Variants in NAALADL2 observed in about 807,000 individuals in gnomAD.
NAALADL2 encodes the protein N-acetylated alpha-linked acidic dipeptidase like 2.
A neutral mutation model predicts 87.2 loss-of-function variants in NAALADL2; 76 were observed. The observed-to-expected ratio is 0.87, with a 90% CI of 0.72 to 1.05. The LOEUF (loss-of-function observed/expected upper bound fraction) is 1.05, where lower values mean the gene tolerates loss of function less well. Among genes scored for constraint, NAALADL2 ranks in the 50% least tolerant of loss-of-function variants. NAALADL2 has a pLI of 0.00. For missense variants in NAALADL2, 1,089 were observed against 945.8 expected, an observed-to-expected ratio of 1.15 and a Z score of -1.99; for synonymous variants, 354 against 331.0, an observed-to-expected ratio of 1.07 and a Z score of -0.75.
At chr3:175,269,297 A>T (rs150147018) in intron 4 of NAALADL2, among the ~76,000 whole-genome samples, 55 of 152,316 alleles carry the variant, frequency 3.6e-4, no homozygotes, top group African/African-American at 1.3e-3. Context: ...AAATATACAT[A>T]GTATAGTAAA....
chr3:175,322,507 G>A (rs2110411911), intron 4 of NAALADL2, among the ~76,000 whole-genome samples: 6 of 93,166 alleles, frequency 6.4e-5, no homozygotes, highest in Middle Eastern at 4.4e-3. Context: ...TTAAACTAAA[G>A]AGCTTCTGCA....
At position 175,466,980 on chromosome 3, in the gene NAALADL2, C is replaced by A; in HGVS notation, c.1329C>A (p.Asp443Glu). 1 of 1,609,396 alleles carries A rather than the reference C, an allele frequency of 6.2e-7. No homozygotes were observed. The highest frequency in any genetic ancestry group is 8.5e-7 in the Non-Finnish European group (1 of 1,176,112). ...GCTCTTGTCCCTTTCTATTTTCAGA[C>A]CGGTATATCATAGTTGGCAGCCATC... The part of the protein sequence containing the change: ...VGFVMGLTSP[D>E]RYIIVGSHHH... Residue 443 changes from aspartate to glutamate, a missense_variant and splice_region_variant, in exon 8 of 14, where the codon GAC (aspartate) becomes GAA (glutamate). Physicochemically the swap from Asp to Glu is conservative, Grantham distance 45 (BLOSUM62 2). Coordinates refer to ENST00000454872, the MANE Select transcript of NAALADL2 (RefSeq NM_207015.3).
intron 2 of NAALADL2, among the ~76,000 whole-genome samples, chr3:174,637,814 G>A (rs1324271134): frequency 6.6e-6 from 1 of 151,724 alleles, no homozygotes; most frequent in African/African-American, 2.4e-5. Flanking sequence ...CATATTTGGG[G>A]ATTTTATAAA....
chr3:174,473,285 A>G (rs1717016201), intron 1 of NAALADL2, among the ~76,000 whole-genome samples: 1 of 152,158 alleles, frequency 6.6e-6, no homozygotes, highest in African/African-American at 2.4e-5. Flanking sequence ...AACCTCTGTG[A>G]CAATCATAGA....
At chr3:174,538,847 T>C (rs1423900732) in intron 1 of NAALADL2, among the ~76,000 whole-genome samples, 3 of 152,170 alleles carry the variant, frequency 2.0e-5, no homozygotes, top group Admixed American at 6.5e-5. Context: ...TTTTGAGTTG[T>C]CCTGCCTTTA....
At chr3:175,305,509 T>C (rs2110257395) in intron 4 of NAALADL2, among the ~76,000 whole-genome samples, 1 of 152,190 alleles carries the variant, frequency 6.6e-6, no homozygotes, top group South Asian at 2.1e-4. Flanking sequence ...GGCACATTCT[T>C]TATCTTTTTC....
intron 3 of NAALADL2, among the ~76,000 whole-genome samples, chr3:174,792,081 C>T (rs1717527892): frequency 6.6e-6 from 1 of 152,064 alleles, no homozygotes; most frequent in African/African-American, 2.4e-5. Context: ...AAAAAACAGG[C>T]ATGGTGGCAC....
intron 10 of NAALADL2, among the ~76,000 whole-genome samples, chr3:175,589,560 A>G (rs551573069): frequency 1.6e-3 from 241 of 152,152 alleles, no homozygotes; most frequent in Non-Finnish European, 1.5e-3. Context: ...AAATTAATAT[A>G]GCTTTTCATG....
chr3:175,000,346 T>C (rs1298462391), intron 1 of NAALADL2, among the ~76,000 whole-genome samples: 1 of 152,180 alleles, frequency 6.6e-6, no homozygotes, highest in Non-Finnish European at 1.5e-5. Context: ...TTTGCTAATA[T>C]TCTATAGAGC....
At chr3:175,468,242 A>G (rs992406755) in intron 8 of NAALADL2, among the ~76,000 whole-genome samples, 1 of 152,148 alleles carries the variant, frequency 6.6e-6, no homozygotes, top group Non-Finnish European at 1.5e-5. Flanking sequence ...CAAGATTCAC[A>G]CACTGCAAAT....
At position 175,415,534 on chromosome 3, in the gene NAALADL2, C is replaced by T. The variant is rs138437270; in HGVS notation, c.1091-31695C>T. 3.3e-3 allele frequency among the ~76,000 whole-genome samples: 501 copies of T among 151,964 alleles called. 2 individuals carry two copies. Among genetic ancestry groups the T allele is most frequent in the African/African-American group, 0.011 (451 of 41,440 alleles). ...ATATAGAATGTGAGAAAATAAATAACGCAATGAGAAATACAAAGACTAAAC... is the reference window on the plus strand; with the variant it reads ...ATATAGAATGTGAGAAAATAAATAATGCAATGAGAAATACAAAGACTAAAC... On this transcript the variant is annotated intron_variant, in intron 5 of 13. Transcript: ENST00000454872.
Position 175,673,843 on chromosome 3 carries a change from A to G in NAALADL2, c.1896+46457A>G, listed in dbSNP as rs181395738. Among the ~76,000 whole-genome samples, 190 of 152,236 alleles carry G rather than the reference A, an allele frequency of 1.2e-3. 2 individuals carry two copies. Among genetic ancestry groups the G allele is most frequent in the African/African-American group, 4.3e-3 (179 of 41,570 alleles). ...CCAACTATTATTAATATTTGTGAAT[A>G]AGATTTTAATAATCTCTCCATGCAT... On this transcript the variant is annotated intron_variant, in intron 11 of 13. Coordinates refer to ENST00000454872, the MANE Select transcript of NAALADL2 (RefSeq NM_207015.3).
intron 1 of NAALADL2, among the ~76,000 whole-genome samples, chr3:175,071,843 T>C (rs1485304710): frequency 6.6e-6 from 1 of 151,968 alleles, no homozygotes; most frequent in Non-Finnish European, 1.5e-5. Context: ...AAATAACTAG[T>C]TATTTAATTC....
chr3:175,766,906 T>C (rs1397349568), intron 13 of NAALADL2, among the ~76,000 whole-genome samples: 1 of 152,072 alleles, frequency 6.6e-6, no homozygotes, highest in African/African-American at 2.4e-5. Context: ...AGTAGATCTG[T>C]AAGCCACAAA....
Position 175,809,744 on chromosome 3 carries a change from T to G in NAALADL2, c.*6541T>G, listed in dbSNP as rs1454094958. 4.6e-5 allele frequency: 7 copies of G among 151,852 alleles called. No individual in the cohort carries two copies. Among genetic ancestry groups the G allele is most frequent in the Admixed American group, 4.6e-4 (7 of 15,186 alleles). 9.4% of individuals were successfully genotyped at this position (151,852 alleles called of 1,614,324 possible). ...GCTGTTGATAGTAGTTTTATATGTA[T>G]TTGGAATGTTAATATGGGACACATG... On this transcript the variant is annotated 3_prime_UTR_variant, in exon 14 of 14. Coordinates refer to ENST00000454872, the MANE Select transcript of NAALADL2 (RefSeq NM_207015.3).
intron 2 of NAALADL2, among the ~76,000 whole-genome samples, chr3:174,717,020 T>C (rs979129389): frequency 6.6e-6 from 1 of 152,162 alleles, no homozygotes; most frequent in Non-Finnish European, 1.5e-5. Flanking sequence ...TTGTTTTGTA[T>C]AGAAACAGAG....
chr3:175,124,924 G>A (rs942752163), intron 2 of NAALADL2, among the ~76,000 whole-genome samples: 1 of 151,924 alleles, frequency 6.6e-6, no homozygotes, highest in Non-Finnish European at 1.5e-5. Context: ...GTAGAGACAT[G>A]AGCACTAAAG....
intron 10 of NAALADL2, among the ~76,000 whole-genome samples, chr3:175,600,952 C>G (rs1170825793): frequency 6.6e-6 from 1 of 152,136 alleles, no homozygotes; most frequent in African/African-American, 2.4e-5. Context: ...AAATCACTCC[C>G]AACGATTTTA....
intron 2 of NAALADL2, among the ~76,000 whole-genome samples, chr3:174,693,985 C>T (rs1431462866): frequency 6.6e-6 from 1 of 152,138 alleles, no homozygotes. Flanking sequence ...GTAGTTTCTT[C>T]TCTCTGACTT....
Sources: gnomAD v4.1 joint callset for allele counts (sites outside exome capture counted in the v4.1 genomes callset) on GRCh38, gnomAD v4.1.1 for gene constraint, MANE v1.5 for transcripts, NCBI Gene and HGNC (gene_info 2026-07-23, HGNC 2026-07-21) for gene names.